Variants in TRIM71 observed in about 807,000 individuals in gnomAD.
TRIM71 encodes E3 ubiquitin-protein ligase TRIM71.
A neutral mutation model predicts 61.2 loss-of-function variants in TRIM71; 9 were observed. The observed-to-expected ratio is 0.15, with a 90% CI of 0.09 to 0.26. The LOEUF is 0.26. Ranked by LOEUF, TRIM71 falls within the 10% of genes least tolerant of loss-of-function variation. The pLI, the probability that TRIM71 is intolerant of heterozygous loss-of-function variation, is 1.00. For synonymous variants in TRIM71, 645 were observed against 553.2 expected, an observed-to-expected ratio of 1.17 and a Z score of -2.33; for missense variants, 998 against 1,238.7, an observed-to-expected ratio of 0.81 and a Z score of 2.92.
intron 1 of TRIM71, among the ~76,000 whole-genome samples, chr3:32,821,639 T>C (rs960514321): frequency 1.3e-5 from 2 of 152,146 alleles, no homozygotes; most frequent in Non-Finnish European, 2.9e-5. Flanking sequence ...GTTGGGGCTT[T>C]TCACTAGTTC....
At chr3:32,839,612 A>G (rs1048004026) in intron 1 of TRIM71, among the ~76,000 whole-genome samples, 7 of 120,964 alleles carry the variant, frequency 5.8e-5, no homozygotes, top group Non-Finnish European at 9.4e-5. Context: ...TCTGTGCATA[A>G]TTGTTGAGTC....
intron 1 of TRIM71, among the ~76,000 whole-genome samples, chr3:32,822,912 G>T (rs1345169612): frequency 6.6e-6 from 1 of 152,138 alleles, no homozygotes; most frequent in Non-Finnish European, 1.5e-5. Context: ...GAATCCGATT[G>T]ATTCATATTA....
Position 32,891,656 on chromosome 3 carries a change from G to A in TRIM71, c.2452G>A (p.Val818Ile). 6.2e-7 allele frequency: 1 copy of A among 1,613,874 alleles called. No individual in the cohort carries two copies. Among genetic ancestry groups the A allele is most frequent in the Non-Finnish European group, 8.5e-7 (1 of 1,179,844 alleles). Reference sequence around the variant, plus strand: ...TGTGGCGGATTCCAGGAACCATCGGGTACAGATGTTTGAATCCAACGGCAG... The same window carrying A: ...TGTGGCGGATTCCAGGAACCATCGGATACAGATGTTTGAATCCAACGGCAG... ...IIVADSRNHR[V>I]QMFESNGSFL... Residue 818 changes from valine to isoleucine, a missense_variant, in exon 4 of 4, where the codon GTA becomes ATA. Around this residue, in one of 5 missense-constraint regions of TRIM71, gnomAD observed 95 missense variants for 159.0 expected, o/e 0.60. Coordinates refer to ENST00000383763, the MANE Select transcript of TRIM71 (RefSeq NM_001039111.3). The surrounding 1 kb of genome is among the most constrained non-coding windows in gnomAD (Gnocchi z 8.2).
intron 1 of TRIM71, among the ~76,000 whole-genome samples, chr3:32,860,871 G>C (rs958731366): frequency 1.3e-5 from 2 of 152,126 alleles, no homozygotes; most frequent in African/African-American, 2.4e-5. Context: ...ACTTGAAAAG[G>C]GTTTTTAAAA....
chr3:32,876,894 A>C (rs1043656772), intron 2 of TRIM71, among the ~76,000 whole-genome samples: 1 of 152,058 alleles, frequency 6.6e-6, no homozygotes, highest in African/African-American at 2.4e-5. Flanking sequence ...GGGGAAAATA[A>C]ATATAGTCAG....
At chr3:32,848,654 C>A (rs1358608965) in intron 1 of TRIM71, among the ~76,000 whole-genome samples, 1 of 152,066 alleles carries the variant, frequency 6.6e-6, no homozygotes, top group Non-Finnish European at 1.5e-5. Flanking sequence ...GTTATTTTTC[C>A]CTTGAGCCAG....
In TRIM71 at chr3:32,889,736, C is replaced by T. The variant is rs953909069; in HGVS notation, c.1156-624C>T. 6.7e-4 allele frequency among the ~76,000 whole-genome samples: 102 copies of T among 152,046 alleles called. 1 individual carries two copies. Among genetic ancestry groups the T allele is most frequent in the African/African-American group, 2.2e-3 (91 of 41,498 alleles). ...TCCCAAATAGCTGGGATTACAGGCACCTGTTACCACACTTGGTTAATTTTT... is the reference window on the plus strand; with the variant it reads ...TCCCAAATAGCTGGGATTACAGGCATCTGTTACCACACTTGGTTAATTTTT... On this transcript the variant is annotated intron_variant, in intron 3 of 3. Coordinates refer to ENST00000383763, the MANE Select transcript of TRIM71 (RefSeq NM_001039111.3).
At chr3:32,873,100 C>G (rs935772785) in intron 1 of TRIM71, among the ~76,000 whole-genome samples, 1 of 137,810 alleles carries the variant, frequency 7.3e-6, no homozygotes, top group Non-Finnish European at 1.6e-5. Flanking sequence ...TCCCTCCCAG[C>G]GTGCTGGGCC....
chr3:32,883,346 CT>C (rs1696929133), intron 2 of TRIM71, among the ~76,000 whole-genome samples: 1 of 152,212 alleles, frequency 6.6e-6, no homozygotes, highest in African/African-American at 2.4e-5. Context: ...AACTGGATTA[CT>C]TAAAACAGCA....
At chr3:32,874,312 G>A (rs934012546) in intron 2 of TRIM71, among the ~76,000 whole-genome samples, 6 of 146,372 alleles carry the variant, frequency 4.1e-5, no homozygotes, top group African/African-American at 1.5e-4. Flanking sequence ...AAGGCTGGGT[G>A]CTTAATGCTT....
At chr3:32,820,671 A>ATT (rs1462484062) in intron 1 of TRIM71, among the ~76,000 whole-genome samples, 1 of 152,224 alleles carries the variant, frequency 6.6e-6, no homozygotes, top group Non-Finnish European at 1.5e-5. Context: ...ATACACCTAT[A>ATT]TTTTATTTGG....
At chr3:32,856,889 T>C (rs867196453) in intron 1 of TRIM71, among the ~76,000 whole-genome samples, 23 of 152,204 alleles carry the variant, frequency 1.5e-4, no homozygotes, top group African/African-American at 5.3e-4. Context: ...TTGGGTTTCA[T>C]GTACTCTCAG....
intron 2 of TRIM71, among the ~76,000 whole-genome samples, chr3:32,876,241 C>G (rs988288869): frequency 6.6e-6 from 1 of 152,146 alleles, no homozygotes; most frequent in African/African-American, 2.4e-5. Flanking sequence ...CTGCTGGTGT[C>G]TCCTCGACAC....
intron 1 of TRIM71, among the ~76,000 whole-genome samples, chr3:32,863,723 CCAGGCTGGA>C (rs1295646584): frequency 6.6e-6 from 1 of 151,972 alleles, no homozygotes; most frequent in Admixed American, 6.6e-5. Context: ...CCTCTGTCAC[CCAGGCTGGA>C]GTGCAGTGGT....
At chr3:32,842,116 T>G (rs1396022132) in intron 1 of TRIM71, among the ~76,000 whole-genome samples, 2 of 152,220 alleles carry the variant, frequency 1.3e-5, no homozygotes, top group Non-Finnish European at 2.9e-5. Flanking sequence ...GAAAGGAAAC[T>G]CTCAGTGCTG....
At chr3:32,885,210 A>G (rs539106672) in intron 2 of TRIM71, among the ~76,000 whole-genome samples, 1 of 152,338 alleles carries the variant, frequency 6.6e-6, no homozygotes, top group East Asian at 1.9e-4. Context: ...TCACTTTGGA[A>G]TCCCTGATTT....
At chr3:32,859,391 C>G (rs1213470700) in intron 1 of TRIM71, among the ~76,000 whole-genome samples, 1 of 152,078 alleles carries the variant, frequency 6.6e-6, no homozygotes, top group African/African-American at 2.4e-5. Flanking sequence ...TCCCAAGAAG[C>G]TGGGATTACA....
intron 1 of TRIM71, among the ~76,000 whole-genome samples, chr3:32,832,540 G>A (rs533384764): frequency 4.6e-5 from 7 of 152,306 alleles, no homozygotes; most frequent in African/African-American, 1.7e-4. Context: ...TACTCTTGGG[G>A]AATAGTCAGG....
intron 1 of TRIM71, among the ~76,000 whole-genome samples, chr3:32,854,484 A>G (rs1424964459): frequency 6.6e-6 from 1 of 152,156 alleles, no homozygotes; most frequent in African/African-American, 2.4e-5. Flanking sequence ...GTGGCTACCC[A>G]CTTGACCAAG....
Sources: allele counts gnomAD v4.1 joint callset (sites outside exome capture counted in the v4.1 genomes callset), GRCh38; gene constraint gnomAD v4.1.1; regional missense constraint gnomAD v4.1.1; non-coding constraint Gnocchi (gnomAD v3.1); transcripts MANE v1.5; gene names NCBI Gene and HGNC (gene_info 2026-07-23, HGNC 2026-07-21).